The following ADAMTS15 variants were observed in gnomAD, a reference collection of about 807,000 sequenced individuals.
ADAMTS15 encodes the protein ADAM metallopeptidase with thrombospondin type 1 motif 15, also known as A disintegrin and metalloproteinase with thrombospondin motifs 15.
ADAMTS15 carries 35 observed loss-of-function variants against 79.1 expected under a neutral mutation model. That is an observed-to-expected ratio of 0.44 (90% CI 0.34 to 0.59). ADAMTS15 has a LOEUF of 0.59. Among genes scored for constraint, ADAMTS15 ranks in the 20% least tolerant of loss-of-function variants. The pLI, the probability that ADAMTS15 is intolerant of heterozygous loss-of-function variation, is 0.02. For missense variants in ADAMTS15, 1,324 were observed against 1,318.7 expected, an observed-to-expected ratio of 1.00 and a Z score of -0.06; for synonymous variants, 616 against 567.3, an observed-to-expected ratio of 1.09 and a Z score of -1.22.
At position 130,473,107 on chromosome 11, in the gene ADAMTS15, G is replaced by A. The variant is rs769983720; in HGVS notation, c.2139G>A (p.Gln713=). The A allele has an allele frequency of 5.6e-6, 9 of 1,613,966 alleles. No individual in the cohort carries two copies. In the Admixed American group the frequency reaches 1.5e-4, roughly 27 times the overall value. Residue 713 remains glutamine, a synonymous_variant, in exon 8 of 8, where the codon CAG becomes CAA. Coordinates refer to ENST00000299164, the MANE Select transcript of ADAMTS15 (RefSeq NM_139055.4). ...PAGASSIDIR[Q]RGYKGLIGDD... ...GCGCCTCAAGCATCGACATCCGCCAGCGCGGTTACAAAGGGCTGATCGGGG... is the reference window on the plus strand; with the variant it reads ...GCGCCTCAAGCATCGACATCCGCCAACGCGGTTACAAAGGGCTGATCGGGG...
At position 130,474,026 on chromosome 11, in the gene ADAMTS15, T is replaced by C. The variant is rs986220050; in HGVS notation, c.*205T>C. 15 of 685,662 alleles carry C rather than the reference T, an allele frequency of 2.2e-5. No individual in the cohort carries two copies. The highest frequency in any genetic ancestry group is 2.8e-5 in the Non-Finnish European group (12 of 433,480). The allele number at this position is 685,662 out of a possible 1,614,324, so 42.5% of individuals were successfully genotyped here. A position where few individuals can be genotyped will look rare whatever the true frequency, so the allele number is the denominator to read the frequency against. On this transcript the variant is annotated 3_prime_UTR_variant, in exon 8 of 8. Transcript: ENST00000299164. The stretch of plus-strand genomic sequence containing the variant: ...GGGAAGCCCAGGAACTCCCGCACAG[T>C]CTACCTCAGGCCCCGCTCCTCGGGC...
At position 130,462,863 on chromosome 11, in the gene ADAMTS15, C is replaced by T. The variant is rs1938232234; in HGVS notation, c.1542+83C>T. ...GGGCCTCGTCTGCCCTTGGTCTTCA[C>T]CAGGAAGGTGCCTATCACAGACTGG... On this transcript the variant is annotated intron_variant, in intron 4 of 7. Coordinates refer to ENST00000299164, the MANE Select transcript of ADAMTS15 (RefSeq NM_139055.4). This position sits in a 1 kb window ranked among gnomAD's most constrained non-coding sequence, Gnocchi z 4.3. The T allele has an allele frequency of 6.6e-7, 1 of 1,515,710 alleles. No homozygotes were observed. The highest frequency in any genetic ancestry group is 2.3e-5 in the East Asian group (1 of 43,848). 93.9% of individuals were successfully genotyped at this position (1,515,710 alleles called of 1,614,324 possible). A position where few individuals can be genotyped will look rare whatever the true frequency, so the allele number is the denominator to read the frequency against.
At chr11:130,470,084 C>A (rs78879719) in intron 5 of ADAMTS15, among the ~76,000 whole-genome samples, 3,005 of 136,568 alleles carry the variant, frequency 0.022, 75 homozygotes, top group African/African-American at 0.055. Flanking sequence ...ATCCTTACTT[C>A]AGAATTATAG....
rs756121700 is a variant in ADAMTS15, at chr11:130,469,254, C to T, written c.1543-8C>T. 1 of 1,387,240 alleles carries T rather than the reference C, an allele frequency of 7.2e-7. No homozygotes were observed. The highest frequency in any genetic ancestry group is 9.4e-7 in the Non-Finnish European group (1 of 1,065,336). The allele number at this position is 1,387,240 out of a possible 1,614,324, so 85.9% of individuals were successfully genotyped here. On this transcript the variant is annotated splice_polypyrimidine_tract_variant and splice_region_variant and intron_variant, in intron 4 of 7. Transcript: ENST00000299164. Reference sequence around the variant, plus strand: ...CCACCAAGGAATATAACAGGCTCTTCCTCACAGGTGGATGGTTCCTGGGCC... The same window carrying T: ...CCACCAAGGAATATAACAGGCTCTTTCTCACAGGTGGATGGTTCCTGGGCC...
intron 4 of ADAMTS15, among the ~76,000 whole-genome samples, chr11:130,467,781 C>T (rs1244015833): frequency 1.4e-5 from 2 of 142,538 alleles, no homozygotes; most frequent in Non-Finnish European, 3.0e-5. Context: ...AAAAAAAAAC[C>T]TAAAAAAAAA....
At chr11:130,468,897 A>G (rs1390167880) in intron 4 of ADAMTS15, among the ~76,000 whole-genome samples, 1 of 142,096 alleles carries the variant, frequency 7.0e-6, no homozygotes, top group African/African-American at 2.6e-5. Flanking sequence ...ATATTGTGCC[A>G]TTGCACTCCA....
chr11:130,450,274 G>C lies in ADAMTS15; in HGVS notation c.957+344G>C, dbSNP rs529756703. 4 of 985,482 alleles carry C rather than the reference G, an allele frequency of 4.1e-6. No homozygotes were observed. In the Admixed American group the frequency reaches 1.8e-4, roughly 45 times the overall value. 61.0% of individuals were successfully genotyped at this position (985,482 alleles called of 1,614,324 possible). ...GTGTCCAAGACCGATAGGAGACGCC[G>C]TGAGGATGGTGTTGGAGAGGGCGGG... On this transcript the variant is annotated intron_variant, in intron 1 of 7. Transcript: ENST00000299164.
At chr11:130,456,849 G>A (rs965651648) in intron 1 of ADAMTS15, among the ~76,000 whole-genome samples, 4 of 152,170 alleles carry the variant, frequency 2.6e-5, no homozygotes, top group Non-Finnish European at 4.4e-5. Flanking sequence ...TGATGTAGCC[G>A]CAGAGATGAG....
At chr11:130,461,978 C>T (rs1255293806) in intron 2 of ADAMTS15, 109 bp from the exon 3 acceptor site, 7 of 1,298,060 alleles carry the variant, frequency 5.4e-6, no homozygotes, top group African/African-American at 4.4e-5. Context: ...TTGGCAATGA[C>T]CAGCCTGAAA....
chr11:130,461,845 G>C (rs184835698), intron 2 of ADAMTS15, among the ~76,000 whole-genome samples: 1 of 152,340 alleles, frequency 6.6e-6, no homozygotes, highest in Admixed American at 6.5e-5. Context: ...CTTAGGCACT[G>C]TGGGGACACC....
intron 1 of ADAMTS15, among the ~76,000 whole-genome samples, chr11:130,460,477 A>T (rs748469976): frequency 6.6e-6 from 1 of 152,078 alleles, no homozygotes; most frequent in African/African-American, 2.4e-5. Flanking sequence ...GGGTTTCGCC[A>T]TGTTGGCCAG....
chr11:130,471,101 G>A lies in ADAMTS15; in HGVS notation c.1902G>A (p.Lys634=). 6.2e-7 allele frequency: 1 copy of A among 1,612,194 alleles called. No homozygotes were observed. Among genetic ancestry groups the A allele is most frequent in the Non-Finnish European group, 8.5e-7 (1 of 1,178,944 alleles). Residue 634 remains lysine, a splice_region_variant and synonymous_variant, in exon 6 of 8, where the codon AAG becomes AAA. Coordinates refer to ENST00000299164, the MANE Select transcript of ADAMTS15 (RefSeq NM_139055.4). ...GCTACTTCTATGTGCTGGCACCCAA[G>A]GTGAGTGAGCCTGGGGCCTGAGAAC... ...GTGYFYVLAP[K]VVDGTLCSPD...
chr11:130,450,304 G>A (rs12419864), intron 1 of ADAMTS15: 163,513 of 985,360 alleles, frequency 0.17, 13,857 homozygotes, highest in African/African-American at 0.17. Context: ...GGCGGGAACG[G>A]CCCACCCCTA....
At position 130,462,897 on chromosome 11, in the gene ADAMTS15, C is replaced by T; in HGVS notation, c.1542+117C>T. ...TGCCTATCACAGACTGGCCACGGGA[C>T]CAGCACTGTTGCATGGCTGAGCTGT... On this transcript the variant is annotated intron_variant, in intron 4 of 7. Coordinates refer to ENST00000299164, the MANE Select transcript of ADAMTS15 (RefSeq NM_139055.4). The surrounding 1 kb of genome is among the most constrained non-coding windows in gnomAD (Gnocchi z 4.3). The T allele has an allele frequency of 7.2e-7, 1 of 1,383,326 alleles. No homozygotes were observed. The highest frequency in any genetic ancestry group is 9.8e-7 in the Non-Finnish European group (1 of 1,017,380). The allele number at this position is 1,383,326 out of a possible 1,614,324, so 85.7% of individuals were successfully genotyped here.
intron 5 of ADAMTS15, 68 bp downstream of exon 5, chr11:130,469,507 C>A: frequency 8.2e-7 from 1 of 1,213,594 alleles, no homozygotes; most frequent in Non-Finnish European, 1.1e-6. Context: ...CCCACCCCAC[C>A]CCTACTCCAT....
chr11:130,470,196 A>ATG lies in ADAMTS15; in HGVS notation c.1721-723_1721-722insGT, dbSNP rs1405602526. Among the ~76,000 whole-genome samples, 52 of 59,368 alleles carry ATG rather than the reference A, an allele frequency of 8.8e-4. 4 individuals carry two copies. Among genetic ancestry groups the ATG allele is most frequent in the African/African-American group, 3.5e-3 (45 of 12,728 alleles). The allele number at this position is 59,368 out of a possible 152,430, so 38.9% of individuals were successfully genotyped here. A position where few individuals can be genotyped will look rare whatever the true frequency, so the allele number is the denominator to read the frequency against. On this transcript the variant is annotated intron_variant, in intron 5 of 7. Transcript: ENST00000299164. ...TATATATATATGTGTGTATATATAT[A>ATG]TATATATATATATGTATATATATAT...
chr11:130,450,447 C>T (rs1316102301), intron 1 of ADAMTS15: 4 of 984,990 alleles, frequency 4.1e-6, no homozygotes, highest in Admixed American at 6.1e-5. Context: ...CTGTACTGGG[C>T]CTGGAAAGCC....
In ADAMTS15 at chr11:130,468,939, C is replaced by CAAAAAAAAAAAAAAAAAAA. The variant is rs911391031; in HGVS notation, c.1543-314_1543-296dup. On this transcript the variant is annotated intron_variant, in intron 4 of 7. Coordinates refer to ENST00000299164, the MANE Select transcript of ADAMTS15 (RefSeq NM_139055.4). ...GCAAAAGAGGGAGACTCCACCTCAA[C>CAAAAAAAAAAAAAAAAAAA]AAAAAAAAAAAAAAAAAAAAAAAAA... is the stretch of plus-strand genomic sequence containing the variant. Among the ~76,000 whole-genome samples the CAAAAAAAAAAAAAAAAAAA allele has an allele frequency of 7.5e-4, 21 of 27,846 alleles. 2 individuals carry two copies. The highest frequency in any genetic ancestry group is 1.9e-3 in the African/African-American group (19 of 10,136). 18.3% of individuals were successfully genotyped at this position (27,846 alleles called of 152,430 possible).
At position 130,473,210 on chromosome 11, in the gene ADAMTS15, C is replaced by T. The variant is rs776473666; in HGVS notation, c.2242C>T (p.Arg748Trp). The T allele has an allele frequency of 5.6e-6, 9 of 1,613,936 alleles. No individual in the cohort carries two copies. Among genetic ancestry groups the T allele is most frequent in the African/African-American group, 1.3e-5 (1 of 75,038 alleles). The change falls in exon 8 of 8, where the codon CGG becomes TGG. Residue 748 changes from arginine to tryptophan, a missense_variant. Physicochemically the swap from Arg to Trp is moderately radical, Grantham distance 101. Transcript: ENST00000299164. Reference protein sequence around the residue: ...NGHFVVSAVERDLVVKGSLLR... With the variant: ...NGHFVVSAVEWDLVVKGSLLR... The stretch of plus-strand genomic sequence containing the variant: ...GCATTTCGTGGTGTCGGCGGTGGAG[C>T]GGGACCTGGTGGTGAAGGGCAGTCT...
Sources: allele counts gnomAD v4.1 joint callset (sites outside exome capture counted in the v4.1 genomes callset), GRCh38; gene constraint gnomAD v4.1.1; non-coding constraint Gnocchi (gnomAD v3.1); transcripts MANE v1.5; gene names NCBI Gene and HGNC (gene_info 2026-07-23, HGNC 2026-07-21).